KCNT2: variants seen among roughly 807,000 people sequenced by gnomAD.
KCNT2 encodes the protein potassium channel subfamily T member 2.
A neutral mutation model predicts 153.8 loss-of-function variants in KCNT2; 67 were observed. The observed-to-expected ratio is 0.44, with a 90% CI of 0.36 to 0.53. The LOEUF (loss-of-function observed/expected upper bound fraction) is 0.53, where lower values mean the gene tolerates loss of function less well. Ranked by LOEUF, KCNT2 falls within the 20% of genes least tolerant of loss-of-function variation. KCNT2 has a pLI of 0.00. For synonymous variants in KCNT2, 500 were observed against 458.8 expected (o/e 1.09, Z -1.15); for missense variants, 975 against 1,354.8 (o/e 0.72, Z 4.40).
chr1:196,420,296 T>C (rs935698062), intron 12 of KCNT2, among the ~76,000 whole-genome samples: 8 of 151,982 alleles, frequency 5.3e-5, no homozygotes, highest in Non-Finnish European at 1.5e-5. Flanking sequence ...ATTAAATATA[T>C]ACTTTAAGAT....
intron 1 of KCNT2, among the ~76,000 whole-genome samples, chr1:196,579,319 A>T (rs1348985819): frequency 6.6e-6 from 1 of 152,038 alleles, no homozygotes. Flanking sequence ...CCTGGGGCCT[A>T]CTTGAGGATG....
Position 196,326,784 on chromosome 1 carries a change from C to T in KCNT2, c.2209G>A (p.Val737Ile). ...GGTCTATAATATGCCCTGAGAGGAA[C>T]AATAAAGTTATATAATCCATTTCCA... ...TAGNGLYNFI[V>I]PLRAYYRPKK... Residue 737 changes from valine to isoleucine, a missense_variant, in exon 19 of 28, where the codon GTT (valine) becomes ATT (isoleucine). By Grantham distance (29) the Val-to-Ile change is conservative. Coordinates refer to ENST00000294725, the MANE Select transcript of KCNT2 (RefSeq NM_198503.5). The T allele has an allele frequency of 6.3e-7, 1 of 1,582,632 alleles. No homozygotes were observed. Among genetic ancestry groups the T allele is most frequent in the Non-Finnish European group, 8.6e-7 (1 of 1,166,386 alleles).
At chr1:196,521,823 T>C (rs1316978757) in intron 1 of KCNT2, among the ~76,000 whole-genome samples, 1 of 152,006 alleles carries the variant, frequency 6.6e-6, no homozygotes, top group Non-Finnish European at 1.5e-5. Context: ...AGGGAGAGGA[T>C]CAGAAAAAAC....
chr1:196,551,894 T>A lies in KCNT2; in HGVS notation c.95+56321A>T, dbSNP rs905178951. ...ACATTCACTCTTCCACCTGCCCTGG[T>A]TGGTATACTTGAATTGTTGTGCCTA... On this transcript the variant is annotated intron_variant, in intron 1 of 27. Transcript: ENST00000294725. Among the ~76,000 whole-genome samples, 8 of 151,750 alleles carry A rather than the reference T, an allele frequency of 5.3e-5. No individual in the cohort carries two copies. In the East Asian group the frequency reaches 1.4e-3, roughly 26 times the overall value.
intron 26 of KCNT2, among the ~76,000 whole-genome samples, chr1:196,243,052 T>G (rs1398893168): frequency 6.6e-6 from 1 of 152,160 alleles, no homozygotes; most frequent in Non-Finnish European, 1.5e-5. Context: ...AGATCTCTCA[T>G]GCCCTTTTGT....
At chr1:196,421,247 A>G (rs1673177934) in intron 12 of KCNT2, among the ~76,000 whole-genome samples, 1 of 151,826 alleles carries the variant, frequency 6.6e-6, no homozygotes, top group Non-Finnish European at 1.5e-5. Context: ...TAGTGTCAGG[A>G]AAAAAAAGAG....
chr1:196,317,911 A>G (rs1662885363), intron 20 of KCNT2, among the ~76,000 whole-genome samples: 1 of 151,762 alleles, frequency 6.6e-6, no homozygotes. Flanking sequence ...TAAATTTGGA[A>G]TAATATTTCT....
At position 196,316,123 on chromosome 1, in the gene KCNT2, T is replaced by C. The variant is rs569213331; in HGVS notation, c.2349-97A>G. The C allele has an allele frequency of 6.2e-6, 7 of 1,126,184 alleles. No homozygotes were observed. The African/African-American group carries it at 1.1e-4, about 18-fold the overall frequency. 69.8% of individuals were successfully genotyped at this position (1,126,184 alleles called of 1,614,324 possible). ...GCACTATCCCCTGTGCTTATATAAG[T>C]TGCCTTTAGAGGTGGCTTTTACAGA... is the stretch of plus-strand genomic sequence containing the variant. On this transcript the variant is annotated intron_variant, in intron 20 of 27. Transcript: ENST00000294725.
chr1:196,270,270 C>A (rs16839698), intron 25 of KCNT2, among the ~76,000 whole-genome samples: 1 of 151,836 alleles, frequency 6.6e-6, no homozygotes, highest in African/African-American at 2.4e-5. Context: ...ATCAGCCTAG[C>A]CCAAATCAAG....
intron 1 of KCNT2, among the ~76,000 whole-genome samples, chr1:196,550,473 T>C (rs938352534): frequency 6.6e-6 from 1 of 151,938 alleles, no homozygotes; most frequent in Non-Finnish European, 1.5e-5. Flanking sequence ...TTAAGTAATA[T>C]CTGTTGTATA....
chr1:196,354,196 A>T (rs1393515462), intron 14 of KCNT2, among the ~76,000 whole-genome samples: 1 of 151,828 alleles, frequency 6.6e-6, no homozygotes, highest in Admixed American at 6.6e-5. Context: ...GTTATGAAGC[A>T]CTGCCTTTAA....
intron 1 of KCNT2, among the ~76,000 whole-genome samples, chr1:196,529,797 GCT>G (rs908566048): frequency 3.0e-4 from 46 of 152,128 alleles, no homozygotes; most frequent in African/African-American, 1.1e-3. Flanking sequence ...ATTCCTCTCG[GCT>G]TCTTTCTAAA....
At chr1:196,544,076 G>A (rs906747680) in intron 1 of KCNT2, among the ~76,000 whole-genome samples, 3 of 152,004 alleles carry the variant, frequency 2.0e-5, no homozygotes, top group Non-Finnish European at 2.9e-5. Context: ...AATCACTCAC[G>A]CACAGCAACA....
At chr1:196,341,163 A>G (rs1378474288) in intron 15 of KCNT2, among the ~76,000 whole-genome samples, 1 of 152,066 alleles carries the variant, frequency 6.6e-6, no homozygotes, top group Non-Finnish European at 1.5e-5. Flanking sequence ...ATTGTTAAAT[A>G]AAAAATGCTT....
intron 23 of KCNT2, among the ~76,000 whole-genome samples, chr1:196,283,654 T>G (rs1262665000): frequency 6.6e-5 from 10 of 151,992 alleles, no homozygotes; most frequent in Non-Finnish European, 1.5e-4. Flanking sequence ...TGACAGTAGA[T>G]CAAAAGTCCC....
At chr1:196,274,151 TC>T (rs928199315) in intron 25 of KCNT2, among the ~76,000 whole-genome samples, 2 of 151,656 alleles carry the variant, frequency 1.3e-5, no homozygotes, top group African/African-American at 2.4e-5. Flanking sequence ...GGCTATGGAA[TC>T]TAAACTAATT....
At chr1:196,274,623 G>A (rs753693161) in intron 25 of KCNT2, among the ~76,000 whole-genome samples, 15 of 151,702 alleles carry the variant, frequency 9.9e-5, no homozygotes, top group Non-Finnish European at 2.1e-4. Context: ...AAGTGTTAAT[G>A]ATTGGCACAT....
intron 1 of KCNT2, among the ~76,000 whole-genome samples, chr1:196,527,266 T>C (rs1654361476): frequency 6.6e-6 from 1 of 152,158 alleles, no homozygotes; most frequent in Admixed American, 6.5e-5. Flanking sequence ...TTCATTTTAA[T>C]GTAAAAAGAT....
chr1:196,457,972 A>C (rs922963535), intron 8 of KCNT2, among the ~76,000 whole-genome samples: 2 of 151,910 alleles, frequency 1.3e-5, no homozygotes, highest in Admixed American at 6.6e-5. Context: ...GGAACGTTTG[A>C]GTTATTAAAG....
Sources: gnomAD v4.1 joint callset for allele counts (sites outside exome capture counted in the v4.1 genomes callset) on GRCh38, gnomAD v4.1.1 for gene constraint, MANE v1.5 for transcripts, NCBI Gene and HGNC (gene_info 2026-07-23, HGNC 2026-07-21) for gene names.